The following CNTN5 variants were observed in gnomAD, a reference collection of about 807,000 sequenced individuals.
CNTN5 encodes contactin-5.
Under a neutral mutation model 129.1 loss-of-function variants are expected in CNTN5, and 77 were observed. The ratio of observed to expected loss-of-function variants is 0.60; its 90% CI spans 0.50 to 0.72. The LOEUF (loss-of-function observed/expected upper bound fraction) is 0.72. Among genes scored for constraint, CNTN5 ranks in the 30% least tolerant of loss-of-function variants. The probability of loss-of-function intolerance (pLI) is 0.00; values close to 1 mark genes in which losing one functional copy is unlikely to be tolerated. For synonymous variants in CNTN5, 509 were observed against 465.6 expected (o/e 1.09, Z -1.20); for missense variants, 1,478 against 1,328.8 (o/e 1.11, Z -1.75).
At chr11:99,492,196 T>C (rs1946063162) in intron 2 of CNTN5, among the ~76,000 whole-genome samples, 1 of 152,202 alleles carries the variant, frequency 6.6e-6, no homozygotes, top group South Asian at 2.1e-4. Flanking sequence ...ACATGTTGGC[T>C]GACATTTATG....
chr11:100,153,871 A>ATATAAGTTTCAAATCTGTTAG (rs1253137406), intron 13 of CNTN5, among the ~76,000 whole-genome samples: 1 of 151,692 alleles, frequency 6.6e-6, no homozygotes, highest in Admixed American at 6.6e-5. Flanking sequence ...TTTCTAGTGC[A>ATATAAGTTTCAAATCTGTTAG]TATAAGTTTC....
chr11:99,911,053 C>T (rs1227250616), intron 6 of CNTN5, among the ~76,000 whole-genome samples: 1 of 152,034 alleles, frequency 6.6e-6, no homozygotes, highest in African/African-American at 2.4e-5. Context: ...GAGAAGCCAG[C>T]TCAGTTCCTT....
chr11:100,354,201 C>T (rs924113399), intron 24 of CNTN5, among the ~76,000 whole-genome samples: 14 of 151,464 alleles, frequency 9.2e-5, no homozygotes, highest in Non-Finnish European at 1.8e-4. Flanking sequence ...TAAAAAGCTT[C>T]GTACAGTATG....
At chr11:99,507,436 T>C (rs911586231) in intron 2 of CNTN5, among the ~76,000 whole-genome samples, 38 of 150,636 alleles carry the variant, frequency 2.5e-4, no homozygotes, top group Admixed American at 1.8e-3. Flanking sequence ...TTAAATATAA[T>C]GTATATTGAC....
rs540038425 is a variant in CNTN5, at chr11:99,395,626, T to A, written c.-71+70142T>A. Among the ~76,000 whole-genome samples, 4 of 152,072 alleles carry A rather than the reference T, an allele frequency of 2.6e-5. No individual in the cohort carries two copies. In the South Asian group the frequency reaches 8.3e-4, roughly 32 times the overall value. On this transcript the variant is annotated intron_variant, in intron 2 of 24. Transcript: ENST00000524871. ...CATGAAATCTTTGCCCATTCCTATG[T>A]CCAGGATGGTACTCTGTAGGTTGTC...
intron 3 of CNTN5, among the ~76,000 whole-genome samples, chr11:99,597,502 A>G (rs1950162634): frequency 1.1e-5 from 1 of 90,784 alleles, no homozygotes; most frequent in African/African-American, 3.8e-5. Context: ...AACTCTATTT[A>G]TGTTTAAGAC....
chr11:100,047,246 A>T lies in CNTN5; in HGVS notation c.981-13966A>T, dbSNP rs76240466. ...CTTCAAACTCCAGTTAACCACATAA[A>T]ACCTCTTTGAACACCATGGTTCACT... is the stretch of plus-strand genomic sequence containing the variant. On this transcript the variant is annotated intron_variant, in intron 9 of 24. Coordinates refer to ENST00000524871, the MANE Select transcript of CNTN5 (RefSeq NM_014361.4). Among the ~76,000 whole-genome samples the T allele has an allele frequency of 1.2e-4, 13 of 107,346 alleles. No homozygotes were observed. The East Asian group carries it at 4.0e-3, about 33-fold the overall frequency. 70.4% of individuals were successfully genotyped at this position (107,346 alleles called of 152,430 possible).
intron 7 of CNTN5, among the ~76,000 whole-genome samples, chr11:99,946,434 T>C (rs1950554695): frequency 6.6e-6 from 1 of 152,130 alleles, no homozygotes; most frequent in Admixed American, 6.6e-5. Flanking sequence ...GAGTGATCGA[T>C]ACTCAACAAA....
chr11:100,294,402 C>A (rs1951061258), intron 18 of CNTN5, among the ~76,000 whole-genome samples: 1 of 151,620 alleles, frequency 6.6e-6, no homozygotes, highest in Non-Finnish European at 1.5e-5. Flanking sequence ...GTTTATATTT[C>A]AACATGCCAG....
rs35627812 is a variant in CNTN5, at chr11:99,213,483, C to CAT, written c.-209-111849_-209-111848dup. ...ATATATACGTGTGTATATATACACA[C>CAT]ATATATATATATATACACATATATA... is the stretch of plus-strand genomic sequence containing the variant. On this transcript the variant is annotated intron_variant, in intron 1 of 24. Coordinates refer to ENST00000524871, the MANE Select transcript of CNTN5 (RefSeq NM_014361.4). Among the ~76,000 whole-genome samples the CAT allele has an allele frequency of 9.2e-4, 126 of 136,588 alleles. 1 individual carries two copies. The highest frequency in any genetic ancestry group is 1.1e-3 in the African/African-American group (42 of 37,936). 89.6% of individuals were successfully genotyped at this position (136,588 alleles called of 152,430 possible).
At position 99,753,119 on chromosome 11, in the gene CNTN5, C is replaced by CTTTTTTTTTT. The variant is rs375324214; in HGVS notation, c.56-66413_56-66404dup. Among the ~76,000 whole-genome samples the CTTTTTTTTTT allele has an allele frequency of 7.2e-4, 67 of 93,074 alleles. 2 individuals carry two copies. The highest frequency in any genetic ancestry group is 1.5e-3 in the East Asian group (4 of 2,694). 61.1% of individuals were successfully genotyped at this position (93,074 alleles called of 152,430 possible). A position where few individuals can be genotyped will look rare whatever the true frequency, so the allele number is the denominator to read the frequency against. Reference sequence around the variant, plus strand: ...TTTATAACATTTTAAGCCATATTTGCTTTTTTTTTTTTTTTTTTTTTGAGA... The same window carrying CTTTTTTTTTT: ...TTTATAACATTTTAAGCCATATTTGCTTTTTTTTTTTTTTTTTTTTTTTTTTTTTTTGAGA... On this transcript the variant is annotated intron_variant, in intron 3 of 24. Coordinates refer to ENST00000524871, the MANE Select transcript of CNTN5 (RefSeq NM_014361.4).
intron 13 of CNTN5, among the ~76,000 whole-genome samples, chr11:100,150,343 A>C (rs1448763359): frequency 2.0e-5 from 3 of 152,160 alleles, no homozygotes; most frequent in Non-Finnish European, 4.4e-5. Flanking sequence ...TGTATCCAGA[A>C]TTATTATTGT....
intron 6 of CNTN5, among the ~76,000 whole-genome samples, chr11:99,877,205 T>C (rs1948656131): frequency 6.6e-6 from 1 of 152,198 alleles, no homozygotes; most frequent in Non-Finnish European, 1.5e-5. Flanking sequence ...TTCCATTGAC[T>C]ATAAAATTCT....
At chr11:99,598,239 C>A (rs1950183672) in intron 3 of CNTN5, among the ~76,000 whole-genome samples, 1 of 119,136 alleles carries the variant, frequency 8.4e-6, no homozygotes, top group Admixed American at 8.2e-5. Flanking sequence ...CCCTTCTTTC[C>A]TTCCTTTTTC....
intron 2 of CNTN5, among the ~76,000 whole-genome samples, chr11:99,347,889 A>G (rs1210947938): frequency 3.3e-5 from 5 of 152,162 alleles, no homozygotes; most frequent in African/African-American, 1.2e-4. Context: ...AGTTTTGTAT[A>G]TTACTTTAAA....
chr11:99,439,136 A>C (rs1419746612), intron 2 of CNTN5, among the ~76,000 whole-genome samples: 2 of 152,186 alleles, frequency 1.3e-5, no homozygotes, highest in Admixed American at 1.3e-4. Flanking sequence ...ATGGGAGAGA[A>C]ATAAGCTCAT....
chr11:99,623,054 G>C (rs774389565), intron 3 of CNTN5, among the ~76,000 whole-genome samples: 3 of 152,090 alleles, frequency 2.0e-5, no homozygotes, highest in Non-Finnish European at 4.4e-5. Flanking sequence ...ATAGATAGCA[G>C]TACATTGTTC....
intron 20 of CNTN5, among the ~76,000 whole-genome samples, chr11:100,300,067 T>C (rs2138892876): frequency 6.6e-6 from 1 of 151,644 alleles, no homozygotes; most frequent in East Asian, 1.9e-4. Context: ...TTCATATGCA[T>C]GACCATGTTT....
At chr11:99,420,487 T>A (rs566069408) in intron 2 of CNTN5, among the ~76,000 whole-genome samples, 1 of 152,270 alleles carries the variant, frequency 6.6e-6, no homozygotes, top group Non-Finnish European at 1.5e-5. Context: ...AAAAATTTTT[T>A]AAAAACCTCT....
Sources: allele counts gnomAD v4.1 joint callset (sites outside exome capture counted in the v4.1 genomes callset), GRCh38; gene constraint gnomAD v4.1.1; transcripts MANE v1.5; gene names NCBI Gene and HGNC (gene_info 2026-07-23, HGNC 2026-07-21).